Variants in CCNJL observed in about 807,000 individuals in gnomAD.
CCNJL encodes cyclin J like.
CCNJL carries 33 observed loss-of-function variants against 33.4 expected under a neutral mutation model. The observed-to-expected ratio is 0.99, with a 90% CI of 0.75 to 1.32. CCNJL has a LOEUF of 1.32. CCNJL is among the 40% of genes most tolerant of loss of function. The pLI, the probability that CCNJL is intolerant of heterozygous loss-of-function variation, is 0.00. For synonymous variants in CCNJL, 227 were observed against 220.9 expected (o/e 1.03, Z -0.24); for missense variants, 512 against 499.7 (o/e 1.02, Z -0.23).
At chr5:160,319,568 G>A (rs986822980) in intron 1 of CCNJL, among the ~76,000 whole-genome samples, 4 of 152,078 alleles carry the variant, frequency 2.6e-5, no homozygotes, top group East Asian at 1.9e-4. Context: ...TATCTTTTCC[G>A]TATTTGTATC....
chr5:160,296,967 C>T (rs1013360151), intron 2 of CCNJL, among the ~76,000 whole-genome samples: 11 of 152,172 alleles, frequency 7.2e-5, no homozygotes, highest in African/African-American at 2.7e-4. Flanking sequence ...ACTCTCTAAA[C>T]TTTGCATGTC....
intron 2 of CCNJL, among the ~76,000 whole-genome samples, chr5:160,297,161 T>C (rs1285488678): frequency 6.6e-6 from 1 of 152,246 alleles, no homozygotes; most frequent in African/African-American, 2.4e-5. Context: ...GATATGACTA[T>C]ATCTTCAGCT....
chr5:160,296,936 T>C (rs536410437), intron 2 of CCNJL, among the ~76,000 whole-genome samples: 1 of 152,274 alleles, frequency 6.6e-6, no homozygotes, highest in Non-Finnish European at 1.5e-5. Flanking sequence ...ACTAGCTATG[T>C]GGGCTTGGGT....
intron 1 of CCNJL, among the ~76,000 whole-genome samples, chr5:160,321,972 G>A (rs1763470544): frequency 6.6e-6 from 1 of 152,190 alleles, no homozygotes; most frequent in Admixed American, 6.5e-5. Context: ...CACATAGGCA[G>A]TGGGGGTGAG....
chr5:160,308,496 G>A (rs970665698), intron 2 of CCNJL, among the ~76,000 whole-genome samples: 7 of 152,202 alleles, frequency 4.6e-5, no homozygotes, highest in Non-Finnish European at 7.3e-5. Flanking sequence ...GGTGGCTCAC[G>A]CCTGTAATCC....
intron 2 of CCNJL, among the ~76,000 whole-genome samples, chr5:160,303,901 A>G (rs922034097): frequency 6.6e-6 from 1 of 151,526 alleles, no homozygotes; most frequent in Non-Finnish European, 1.5e-5. Context: ...ACAAGGGCAC[A>G]GGGCCAGCTC....
intron 2 of CCNJL, among the ~76,000 whole-genome samples, chr5:160,303,257 G>T (rs1464114096): frequency 6.6e-6 from 1 of 152,146 alleles, no homozygotes; most frequent in Non-Finnish European, 1.5e-5. Flanking sequence ...CCAAGCTGGA[G>T]CGCAATGGTG....
intron 3 of CCNJL, among the ~76,000 whole-genome samples, chr5:160,279,917 A>T (rs1183576055): frequency 2.0e-5 from 3 of 152,220 alleles, no homozygotes; most frequent in Non-Finnish European, 2.9e-5. Flanking sequence ...TTAACACAGT[A>T]ATCTCTACCA....
chr5:160,291,250 A>G (rs1762576155), intron 2 of CCNJL, among the ~76,000 whole-genome samples: 1 of 151,916 alleles, frequency 6.6e-6, no homozygotes, highest in South Asian at 2.1e-4. Flanking sequence ...AAAATTATAA[A>G]CTGTGCACCT....
intron 1 of CCNJL, among the ~76,000 whole-genome samples, chr5:160,325,384 G>A (rs1355559945): frequency 1.3e-5 from 2 of 151,952 alleles, no homozygotes; most frequent in African/African-American, 2.4e-5. Flanking sequence ...CAATCTTATC[G>A]CCTGTTGCTC....
intron 1 of CCNJL, among the ~76,000 whole-genome samples, 165 bp from the exon 2 acceptor site, chr5:160,312,137 C>T (rs1763285159): frequency 6.6e-6 from 1 of 152,200 alleles, no homozygotes; most frequent in Non-Finnish European, 1.5e-5. Context: ...CTGCGGTGCC[C>T]CCTCCCCTCT....
At chr5:160,278,728 T>C (rs1457127676) in intron 3 of CCNJL, among the ~76,000 whole-genome samples, 1 of 151,934 alleles carries the variant, frequency 6.6e-6, no homozygotes, top group African/African-American at 2.4e-5. Context: ...CATGGCCCCA[T>C]GGAAATATAA....
At chr5:160,290,221 C>T (rs1762539143) in intron 2 of CCNJL, among the ~76,000 whole-genome samples, 1 of 152,052 alleles carries the variant, frequency 6.6e-6, no homozygotes, top group Non-Finnish European at 1.5e-5. Flanking sequence ...TATTAATCCA[C>T]TTTTCCTTCA....
Position 160,280,706 on chromosome 5 carries a change from G to A in CCNJL, c.99C>T (p.Ser33=). Residue 33 remains serine, a synonymous_variant, in exon 3 of 6, where the codon TCC becomes TCT. Coordinates refer to ENST00000257536, the MANE Select transcript of CCNJL (RefSeq NM_001308173.3). ...AGAACCGGCGGCTCTTCAGGAGTGG[G>A]GAGTGGGCTCGGAAGGTGGGCAGCT... ...ELKLPTFRAH[S]PLLKSRRFFV... The A allele has an allele frequency of 3.7e-6, 6 of 1,611,098 alleles. No individual in the cohort carries two copies. Among genetic ancestry groups the A allele is most frequent in the Non-Finnish European group, 5.1e-6 (6 of 1,178,770 alleles).
At chr5:160,288,261 T>G (rs1454413065) in intron 2 of CCNJL, among the ~76,000 whole-genome samples, 1 of 152,114 alleles carries the variant, frequency 6.6e-6, no homozygotes, top group East Asian at 1.9e-4. Context: ...ACAGCCTGAA[T>G]TTTTCAAAAA....
At chr5:160,288,207 G>A (rs940409380) in intron 2 of CCNJL, among the ~76,000 whole-genome samples, 2 of 149,804 alleles carry the variant, frequency 1.3e-5, no homozygotes, top group Non-Finnish European at 2.9e-5. Flanking sequence ...AGGAGAGGTC[G>A]GGATGGGCAC....
chr5:160,315,194 G>A (rs1763365338), upstream of CCNJL, among the ~76,000 whole-genome samples: 3 of 152,026 alleles, frequency 2.0e-5, no homozygotes, highest in South Asian at 6.2e-4. Context: ...GGATAAACTG[G>A]GCTGGGCACG....
At chr5:160,257,182 A>G (rs1360146355) in intron 4 of CCNJL, among the ~76,000 whole-genome samples, 4 of 151,846 alleles carry the variant, frequency 2.6e-5, no homozygotes, top group African/African-American at 7.3e-5. Flanking sequence ...CTCTAAAAAA[A>G]TTTAAAAAAT....
chr5:160,284,392 G>A (rs532901131), intron 2 of CCNJL, among the ~76,000 whole-genome samples: 2 of 152,166 alleles, frequency 1.3e-5, no homozygotes, highest in African/African-American at 2.4e-5. Flanking sequence ...TTTATGATAT[G>A]TGAATTGTTA....
Sources: allele counts gnomAD v4.1 joint callset (sites outside exome capture counted in the v4.1 genomes callset), GRCh38; gene constraint gnomAD v4.1.1; transcripts MANE v1.5; gene names NCBI Gene and HGNC (gene_info 2026-07-23, HGNC 2026-07-21).